The following SH3PXD2A variants were observed in gnomAD, a reference collection of about 807,000 sequenced individuals.
The protein encoded by SH3PXD2A is SH3 and PX domain-containing protein 2A.
SH3PXD2A carries 32 observed loss-of-function variants against 115.2 expected under a neutral mutation model. The observed-to-expected ratio is 0.28, with a 90% CI of 0.21 to 0.37. SH3PXD2A has a LOEUF of 0.37. SH3PXD2A is among the 10% of genes least tolerant of loss of function. The pLI, the probability that SH3PXD2A is intolerant of heterozygous loss-of-function variation, is 1.00. For synonymous variants in SH3PXD2A, 610 were observed against 629.1 expected (o/e 0.97, Z 0.45); for missense variants, 1,328 against 1,498.7 (o/e 0.89, Z 1.88).
chr10:103,677,283 C>G (rs1473557003), intron 6 of SH3PXD2A, among the ~76,000 whole-genome samples: 1 of 152,244 alleles, frequency 6.6e-6, no homozygotes, highest in Non-Finnish European at 1.5e-5. Flanking sequence ...AAGCATCAGA[C>G]ACACAACCAC....
At chr10:103,644,403 A>G (rs533254824) in intron 8 of SH3PXD2A, among the ~76,000 whole-genome samples, 3 of 152,030 alleles carry the variant, frequency 2.0e-5, no homozygotes, top group African/African-American at 7.2e-5. Context: ...AACATGGTGA[A>G]ACCTTGTCTC....
chr10:103,594,676 T>C lies in SH3PXD2A; in HGVS notation c.*7140A>G, dbSNP rs2036109521. 1 of 152,238 alleles carries C rather than the reference T, an allele frequency of 6.6e-6. No individual in the cohort carries two copies. The highest frequency in any genetic ancestry group is 1.5e-5 in the Non-Finnish European group (1 of 68,038). 9.4% of individuals were successfully genotyped at this position (152,238 alleles called of 1,614,324 possible). On this transcript the variant is annotated 3_prime_UTR_variant, in exon 15 of 15. Transcript: ENST00000369774. ...CCTGTTGCAGATAATGAGTTGTAAA[T>C]TCAAGGAGGGTGGCTGTTTTGCTGT...
intron 3 of SH3PXD2A, among the ~76,000 whole-genome samples, chr10:103,765,641 C>T (rs368163254): frequency 2.6e-5 from 4 of 152,320 alleles, no homozygotes; most frequent in African/African-American, 4.8e-5. Context: ...AGCAAACAGG[C>T]GACCTTCATG....
At position 103,833,251 on chromosome 10, in the gene SH3PXD2A, T is replaced by G. The variant is rs569109054; in HGVS notation, c.72+21944A>C. Among the ~76,000 whole-genome samples, 4 of 152,342 alleles carry G rather than the reference T, an allele frequency of 2.6e-5. No homozygotes were observed. In the South Asian group the frequency reaches 8.3e-4, roughly 32 times the overall value. On this transcript the variant is annotated intron_variant, in intron 1 of 14. Coordinates refer to ENST00000369774, the MANE Select transcript of SH3PXD2A (RefSeq NM_001394015.1). The stretch of plus-strand genomic sequence containing the variant: ...TGGGAAAAAATGCAAAATAATACAA[T>G]GTCCATGAAGTGATTCCATAGGTAT...
intron 8 of SH3PXD2A, among the ~76,000 whole-genome samples, chr10:103,648,837 C>T (rs2037076551): frequency 6.6e-6 from 1 of 152,254 alleles, no homozygotes; most frequent in African/African-American, 2.4e-5. Context: ...TGCCCCCTCG[C>T]GTGCGTGTGC....
intron 1 of SH3PXD2A, among the ~76,000 whole-genome samples, chr10:103,830,947 A>C (rs1012167853): frequency 1.3e-5 from 2 of 152,246 alleles, no homozygotes; most frequent in African/African-American, 4.8e-5. Flanking sequence ...AAATTGAAAA[A>C]TAGGATGAAT....
chr10:103,718,760 G>C (rs1589427644), intron 5 of SH3PXD2A, among the ~76,000 whole-genome samples: 1 of 128,336 alleles, frequency 7.8e-6, no homozygotes, highest in Non-Finnish European at 1.6e-5. Flanking sequence ...CCCCAATCAG[G>C]ACACACACAC....
At chr10:103,823,097 G>A (rs1373689737) in intron 1 of SH3PXD2A, among the ~76,000 whole-genome samples, 5 of 152,154 alleles carry the variant, frequency 3.3e-5, no homozygotes, top group Non-Finnish European at 4.4e-5. Flanking sequence ...TTATCTTGGG[G>A]AATAAATTCA....
intron 5 of SH3PXD2A, among the ~76,000 whole-genome samples, chr10:103,701,140 TCCA>T (rs2037892741): frequency 4.0e-5 from 2 of 50,044 alleles, no homozygotes; most frequent in Non-Finnish European, 3.7e-5. Flanking sequence ...CCATCATCCA[TCCA>T]CTATCCATCC....
chr10:103,638,119 A>G (rs1332743623), intron 8 of SH3PXD2A, among the ~76,000 whole-genome samples: 2 of 152,172 alleles, frequency 1.3e-5, no homozygotes, highest in African/African-American at 2.4e-5. Context: ...GCACCCACAC[A>G]GCCCCTGCCT....
rs531190334 is a variant in SH3PXD2A, at chr10:103,776,763, T to C, written c.154-9594A>G. On this transcript the variant is annotated intron_variant, in intron 2 of 14. Coordinates refer to ENST00000369774, the MANE Select transcript of SH3PXD2A (RefSeq NM_001394015.1). ...GTGTGTGTCTGTCTAAATTTCCCCC[T>C]TTCACAGGGACACCAGTCATGTTAG... 1.4e-4 allele frequency among the ~76,000 whole-genome samples: 21 copies of C among 152,298 alleles called. 1 individual carries two copies. In the South Asian group the frequency reaches 4.3e-3, roughly 32 times the overall value.
chr10:103,821,522 C>A (rs745486707), intron 1 of SH3PXD2A, among the ~76,000 whole-genome samples: 1 of 152,058 alleles, frequency 6.6e-6, no homozygotes, highest in Non-Finnish European at 1.5e-5. Flanking sequence ...TCTCCATCAG[C>A]CAGCTCCAGA....
chr10:103,683,315 C>T (rs991285466), intron 6 of SH3PXD2A, among the ~76,000 whole-genome samples: 2 of 152,050 alleles, frequency 1.3e-5, no homozygotes, highest in East Asian at 3.8e-4. Flanking sequence ...GAGTTCAAGA[C>T]GACCCTGGGC....
chr10:103,834,760 T>C (rs1244798886), intron 1 of SH3PXD2A, among the ~76,000 whole-genome samples: 2 of 152,174 alleles, frequency 1.3e-5, no homozygotes, highest in East Asian at 1.9e-4. Context: ...ATTTTAAAGA[T>C]GAAGAAACTG....
intron 3 of SH3PXD2A, among the ~76,000 whole-genome samples, chr10:103,762,574 C>T (rs1320959004): frequency 1.3e-5 from 2 of 152,216 alleles, no homozygotes; most frequent in African/African-American, 4.8e-5. Flanking sequence ...CCCTTCCTGA[C>T]CATGAAACGT....
At chr10:103,712,511 G>C (rs2038058287) in intron 5 of SH3PXD2A, among the ~76,000 whole-genome samples, 1 of 152,210 alleles carries the variant, frequency 6.6e-6, no homozygotes, top group South Asian at 2.1e-4. Context: ...TCAGAGGCCT[G>C]AACCCTCCTG....
In SH3PXD2A at chr10:103,686,388, C is replaced by A. The variant is rs547619561; in HGVS notation, c.427+6640G>T. 3.0e-4 allele frequency among the ~76,000 whole-genome samples: 45 copies of A among 152,294 alleles called. 1 individual carries two copies. The highest frequency in any genetic ancestry group is 2.5e-3 in the Admixed American group (38 of 15,298). On this transcript the variant is annotated intron_variant, in intron 6 of 14. Coordinates refer to ENST00000369774, the MANE Select transcript of SH3PXD2A (RefSeq NM_001394015.1). The stretch of plus-strand genomic sequence containing the variant: ...ATCTCAGAACTTCCCGGCTAGGTGC[C>A]CTGGCGAAATGCAGCTTTTTAGAGA...
At chr10:103,847,893 C>T (rs563054505) in intron 1 of SH3PXD2A, among the ~76,000 whole-genome samples, 43 of 151,688 alleles carry the variant, frequency 2.8e-4, no homozygotes, top group Admixed American at 9.2e-4. Context: ...GAACCGAGAT[C>T]GCACCACTGC....
chr10:103,762,926 A>T (rs2038716142), intron 3 of SH3PXD2A, among the ~76,000 whole-genome samples: 1 of 149,078 alleles, frequency 6.7e-6, no homozygotes, highest in African/African-American at 2.5e-5. Context: ...ACCACTGCAC[A>T]ACACTCCATC....
Sources: allele counts gnomAD v4.1 joint callset (sites outside exome capture counted in the v4.1 genomes callset), GRCh38; gene constraint gnomAD v4.1.1; transcripts MANE v1.5; gene names NCBI Gene and HGNC (gene_info 2026-07-23, HGNC 2026-07-21).